The following THSD4 variants were observed in gnomAD, a reference collection of about 807,000 sequenced individuals.
The protein encoded by THSD4 is thrombospondin type-1 domain-containing protein 4.
Under a neutral mutation model 119.0 loss-of-function variants are expected in THSD4, and 69 were observed. That is an observed-to-expected ratio of 0.58 (90% CI 0.48 to 0.71). The LOEUF (loss-of-function observed/expected upper bound fraction) is 0.71. Among genes scored for constraint, THSD4 ranks in the 30% least tolerant of loss-of-function variants. The pLI, the probability that THSD4 is intolerant of heterozygous loss-of-function variation, is 0.00. For missense variants in THSD4, 1,393 were observed against 1,391.1 expected, an observed-to-expected ratio of 1.00 and a Z score of -0.02; for synonymous variants, 524 against 540.4, an observed-to-expected ratio of 0.97 and a Z score of 0.42.
intron 6 of THSD4, among the ~76,000 whole-genome samples, chr15:71,403,634 T>A (rs903887420): frequency 3.9e-5 from 6 of 152,238 alleles, no homozygotes; most frequent in African/African-American, 7.2e-5. Context: ...TTCTCAGGCT[T>A]GTATTTGCAG....
chr15:71,361,879 C>T (rs981737375), intron 6 of THSD4, among the ~76,000 whole-genome samples: 2 of 151,884 alleles, frequency 1.3e-5, no homozygotes, highest in African/African-American at 4.8e-5. Flanking sequence ...TGAGTGAACA[C>T]CAAAAATGTG....
intron 15 of THSD4, among the ~76,000 whole-genome samples, chr15:71,764,466 CTG>C (rs2053681260): frequency 6.6e-6 from 1 of 152,234 alleles, no homozygotes; most frequent in African/African-American, 2.4e-5. Context: ...AGATTGGGCT[CTG>C]TAGTCACAGT....
At chr15:71,167,576 TAAGACTTACC>T (rs1187148824) in intron 3 of THSD4, among the ~76,000 whole-genome samples, 5 of 152,208 alleles carry the variant, frequency 3.3e-5, no homozygotes, top group African/African-American at 1.2e-4. Flanking sequence ...CATCAAGGCA[TAAGACTTACC>T]ATTGTGATCA....
chr15:71,482,453 G>A (rs2047747562), intron 7 of THSD4, among the ~76,000 whole-genome samples: 1 of 151,936 alleles, frequency 6.6e-6, no homozygotes. Flanking sequence ...ACCACACCCA[G>A]CTAATTTTTT....
At position 71,757,884 on chromosome 15, in the gene THSD4, C is replaced by A; in HGVS notation, c.2416-18C>A. On this transcript the variant is annotated intron_variant, in intron 14 of 17. Coordinates refer to ENST00000261862, the MANE Select transcript of THSD4 (RefSeq NM_024817.3). ...TGCCAGGGCCTCCTGACTAATGTGC[C>A]CTTCCCCTGTCTCACAGTGCTCAGC... 1 of 1,612,530 alleles carries A rather than the reference C, an allele frequency of 6.2e-7. No individual in the cohort carries two copies. The highest frequency in any genetic ancestry group is 8.5e-7 in the Non-Finnish European group (1 of 1,179,858).
At chr15:71,214,733 G>A (rs543552326) in intron 3 of THSD4, among the ~76,000 whole-genome samples, 6 of 152,296 alleles carry the variant, frequency 3.9e-5, no homozygotes, top group African/African-American at 1.2e-4. Flanking sequence ...TCCCTCTGGC[G>A]GGAATCCGGA....
At chr15:71,355,464 CT>C (rs1385484983) in intron 6 of THSD4, among the ~76,000 whole-genome samples, 9 of 152,190 alleles carry the variant, frequency 5.9e-5, no homozygotes, top group Non-Finnish European at 1.2e-4. Context: ...AAAAGAATGT[CT>C]CTCAGTTTGT....
At chr15:71,431,935 C>G (rs2046947800) in intron 7 of THSD4, among the ~76,000 whole-genome samples, 1 of 152,068 alleles carries the variant, frequency 6.6e-6, no homozygotes, top group Admixed American at 6.5e-5. Flanking sequence ...AATCAGGAGG[C>G]ATTCACAGAA....
At chr15:71,311,788 G>A (rs374295298) in intron 6 of THSD4, among the ~76,000 whole-genome samples, 7 of 152,122 alleles carry the variant, frequency 4.6e-5, no homozygotes, top group South Asian at 4.2e-4. Flanking sequence ...CCTTTCTCTC[G>A]TCACTCCTCT....
At chr15:71,463,643 G>T (rs1595792378) in intron 7 of THSD4, among the ~76,000 whole-genome samples, 2 of 152,008 alleles carry the variant, frequency 1.3e-5, no homozygotes, top group Admixed American at 6.5e-5. Context: ...ATAACTCCTG[G>T]GTCAGCCTAG....
intron 4 of THSD4, among the ~76,000 whole-genome samples, chr15:71,236,716 G>C (rs113541490): frequency 6.6e-6 from 1 of 152,184 alleles, no homozygotes; most frequent in African/African-American, 2.4e-5. Flanking sequence ...AGGCTATAGG[G>C]ATATAAGAAA....
At chr15:71,293,140 G>C (rs992245152) in intron 6 of THSD4, among the ~76,000 whole-genome samples, 1 of 152,182 alleles carries the variant, frequency 6.6e-6, no homozygotes, top group African/African-American at 2.4e-5. Context: ...AAAGTTCTAC[G>C]TGCATGTGCT....
At chr15:71,172,951 G>T (rs1175145412) in intron 3 of THSD4, among the ~76,000 whole-genome samples, 1 of 151,544 alleles carries the variant, frequency 6.6e-6, no homozygotes, top group Non-Finnish European at 1.5e-5. Context: ...ATACTCAATG[G>T]TGAAAGCAAA....
At chr15:71,209,812 G>A (rs552831203) in intron 3 of THSD4, among the ~76,000 whole-genome samples, 1 of 152,252 alleles carries the variant, frequency 6.6e-6, no homozygotes, top group East Asian at 1.9e-4. Context: ...AATCATGGGG[G>A]CGGGTCTTTC....
intron 7 of THSD4, among the ~76,000 whole-genome samples, chr15:71,566,675 C>A (rs1308656377): frequency 6.6e-6 from 1 of 152,130 alleles, no homozygotes; most frequent in Non-Finnish European, 1.5e-5. Flanking sequence ...GCTCACTAGG[C>A]CTTCAAAGGC....
chr15:71,721,976 CAAA>C (rs3086728), intron 8 of THSD4, among the ~76,000 whole-genome samples: 1 of 141,646 alleles, frequency 7.1e-6, no homozygotes, highest in African/African-American at 2.7e-5. Context: ...GTCCCTGTCT[CAAA>C]AAAAAAAAAG....
intron 3 of THSD4, among the ~76,000 whole-genome samples, chr15:71,174,428 C>T (rs1037871936): frequency 6.8e-6 from 1 of 146,716 alleles, no homozygotes; most frequent in African/African-American, 2.5e-5. Flanking sequence ...GCTTTTCAGA[C>T]CGGCTTAAGA....
intron 7 of THSD4, among the ~76,000 whole-genome samples, chr15:71,544,700 G>C (rs949032979): frequency 2.0e-5 from 3 of 152,178 alleles, no homozygotes; most frequent in African/African-American, 7.2e-5. Flanking sequence ...ACAGATACTT[G>C]TACAGCCATG....
At chr15:71,356,885 G>C (rs982799795) in intron 6 of THSD4, among the ~76,000 whole-genome samples, 3 of 152,194 alleles carry the variant, frequency 2.0e-5, no homozygotes, top group African/African-American at 7.2e-5. Flanking sequence ...CAGTAGCACT[G>C]TATGGCAGGA....
Sources: gnomAD v4.1 joint callset for allele counts (sites outside exome capture counted in the v4.1 genomes callset) on GRCh38, gnomAD v4.1.1 for gene constraint, MANE v1.5 for transcripts, NCBI Gene and HGNC (gene_info 2026-07-23, HGNC 2026-07-21) for gene names.